Variants in FER observed in about 807,000 individuals in gnomAD.
The protein encoded by FER is FER tyrosine kinase.
Under a neutral mutation model 111.0 loss-of-function variants are expected in FER, and 63 were observed. The ratio of observed to expected loss-of-function variants is 0.57; its 90% CI spans 0.46 to 0.70. The LOEUF (loss-of-function observed/expected upper bound fraction) is 0.70. Among genes scored for constraint, FER ranks in the 30% least tolerant of loss-of-function variants. FER has a pLI of 0.00. For synonymous variants in FER, 327 were observed against 313.9 expected, an observed-to-expected ratio of 1.04 and a Z score of -0.44; for missense variants, 914 against 954.0, an observed-to-expected ratio of 0.96 and a Z score of 0.55.
At chr5:109,104,423 T>A (rs1272716394) in intron 17 of FER, among the ~76,000 whole-genome samples, 3 of 152,208 alleles carry the variant, frequency 2.0e-5, no homozygotes, top group Non-Finnish European at 4.4e-5. Context: ...CAGAATTCTT[T>A]GGGAGTAATA....
intron 8 of FER, among the ~76,000 whole-genome samples, chr5:108,879,209 G>T (rs1765391272): frequency 6.6e-6 from 1 of 151,800 alleles, no homozygotes; most frequent in Admixed American, 6.6e-5. Context: ...AAAATATAAA[G>T]AATAAGCCAT....
At chr5:109,039,211 G>T (rs1226168819) in intron 14 of FER, among the ~76,000 whole-genome samples, 1 of 144,478 alleles carries the variant, frequency 6.9e-6, no homozygotes, top group Non-Finnish European at 1.6e-5. Flanking sequence ...GGAACGCTGA[G>T]GGTTTTTTTT....
At chr5:108,844,234 C>T (rs2150163949) in intron 5 of FER, among the ~76,000 whole-genome samples, 1 of 151,658 alleles carries the variant, frequency 6.6e-6, no homozygotes, top group East Asian at 1.9e-4. Flanking sequence ...ATAACATTTC[C>T]TTTTAAATAC....
intron 13 of FER, among the ~76,000 whole-genome samples, chr5:108,995,680 G>T (rs148287814): frequency 6.6e-6 from 1 of 152,122 alleles, no homozygotes; most frequent in African/African-American, 2.4e-5. Flanking sequence ...GGGCATTTGG[G>T]TTGGTTCCAA....
intron 13 of FER, among the ~76,000 whole-genome samples, chr5:109,013,758 T>C (rs1766644122): frequency 6.6e-6 from 1 of 151,292 alleles, no homozygotes. Flanking sequence ...TTCCTGACTT[T>C]TTAATGATTG....
intron 13 of FER, among the ~76,000 whole-genome samples, chr5:108,978,829 T>C (rs1279420017): frequency 6.6e-6 from 1 of 152,188 alleles, no homozygotes; most frequent in Non-Finnish European, 1.5e-5. Flanking sequence ...CTCAAGGACG[T>C]GAGTGGCACT....
intron 12 of FER, among the ~76,000 whole-genome samples, chr5:108,958,543 G>A (rs72789312): frequency 0.11 from 17,217 of 151,736 alleles, 1,086 homozygotes; most frequent in Middle Eastern, 0.16. Flanking sequence ...TCTTGGAGGA[G>A]TTTGAGGAAA....
intron 17 of FER, among the ~76,000 whole-genome samples, chr5:109,153,914 T>C (rs1021694941): frequency 6.6e-6 from 1 of 151,894 alleles, no homozygotes; most frequent in Non-Finnish European, 1.5e-5. Flanking sequence ...CCAGAATGTT[T>C]TATTATAGAC....
intron 10 of FER, among the ~76,000 whole-genome samples, chr5:108,920,068 A>T (rs1752825054): frequency 6.6e-6 from 1 of 152,120 alleles, no homozygotes; most frequent in Admixed American, 6.6e-5. Flanking sequence ...CAGTCCCCTT[A>T]TTATAGATAT....
intron 9 of FER, chr5:108,894,531 C>T (rs1234687208): frequency 5.0e-6 from 2 of 396,616 alleles, no homozygotes; most frequent in East Asian, 5.8e-5. Context: ...GTTGAGATAC[C>T]GATCCACAGA....
chr5:108,765,260 C>A (rs1422052832), intron 1 of FER, among the ~76,000 whole-genome samples: 3 of 152,024 alleles, frequency 2.0e-5, no homozygotes, highest in African/African-American at 7.3e-5. Flanking sequence ...TTAAAAAGTT[C>A]CATTTAGAGA....
At chr5:109,082,537 G>C (rs1478931958) in intron 16 of FER, among the ~76,000 whole-genome samples, 1 of 151,936 alleles carries the variant, frequency 6.6e-6, no homozygotes, top group South Asian at 2.1e-4. Flanking sequence ...AGCTCAATGA[G>C]ATAATGCCTA....
chr5:108,890,322 A>G (rs999701978), intron 9 of FER, among the ~76,000 whole-genome samples: 1 of 152,130 alleles, frequency 6.6e-6, no homozygotes, highest in Middle Eastern at 3.2e-3. Flanking sequence ...GTAATAAAAT[A>G]CTGCACAGTG....
At chr5:109,057,315 CAG>C (rs1328869637) in intron 16 of FER, among the ~76,000 whole-genome samples, 1 of 152,044 alleles carries the variant, frequency 6.6e-6, no homozygotes, top group East Asian at 1.9e-4. Context: ...AATACAAAAA[CAG>C]GGAATAGTGA....
At chr5:109,135,468 T>C (rs921429350) in intron 17 of FER, among the ~76,000 whole-genome samples, 1 of 152,216 alleles carries the variant, frequency 6.6e-6, no homozygotes, top group African/African-American at 2.4e-5. Context: ...ATTAGACATA[T>C]GTAACTGACA....
chr5:109,016,565 C>G (rs1767157026), intron 13 of FER, among the ~76,000 whole-genome samples: 2 of 151,988 alleles, frequency 1.3e-5, no homozygotes, highest in African/African-American at 4.8e-5. Context: ...ATCAGACCAG[C>G]TTTCTCTTAT....
chr5:108,820,219 A>G (rs749890641), intron 3 of FER: 33 of 985,320 alleles, frequency 3.3e-5, no homozygotes, highest in Non-Finnish European at 3.1e-5. Flanking sequence ...GACGTGAGCT[A>G]TAAAAGTCAA....
At chr5:108,750,049 C>T (rs1385266502) in intron 1 of FER, among the ~76,000 whole-genome samples, 3 of 152,070 alleles carry the variant, frequency 2.0e-5, no homozygotes. Flanking sequence ...TCAGAAGTTG[C>T]GTATATTAAT....
At chr5:109,089,459 G>C (rs1320708650) in intron 16 of FER, among the ~76,000 whole-genome samples, 2 of 152,154 alleles carry the variant, frequency 1.3e-5, no homozygotes, top group Non-Finnish European at 2.9e-5. Context: ...CTAGTGCCTT[G>C]TAGCATACTG....
Sources: gnomAD v4.1 joint callset for allele counts (sites outside exome capture counted in the v4.1 genomes callset) on GRCh38, gnomAD v4.1.1 for gene constraint, MANE v1.5 for transcripts, NCBI Gene and HGNC (gene_info 2026-07-23, HGNC 2026-07-21) for gene names.